Variants in PTPRD observed in about 807,000 individuals in gnomAD.
The protein encoded by PTPRD is receptor-type tyrosine-protein phosphatase delta.
A neutral mutation model predicts 214.5 loss-of-function variants in PTPRD; 34 were observed. The ratio of observed to expected loss-of-function variants is 0.16; its 90% CI spans 0.12 to 0.21. PTPRD has a LOEUF of 0.21. PTPRD is among the 10% of genes least tolerant of loss of function. PTPRD has a pLI of 1.00. For synonymous variants in PTPRD, 1,128 were observed against 845.7 expected (o/e 1.33, Z -5.79); for missense variants, 2,545 against 2,398.7 (o/e 1.06, Z -1.27).
chr9:9,679,641 T>C lies in PTPRD; in HGVS notation c.-287+54892A>G, dbSNP rs570759410. Among the ~76,000 whole-genome samples the C allele has an allele frequency of 1.5e-4, 23 of 151,974 alleles. No individual in the cohort carries two copies. In the South Asian group the frequency reaches 4.8e-3, roughly 31 times the overall value. On this transcript the variant is annotated intron_variant, in intron 7 of 45. Coordinates refer to ENST00000381196, the MANE Select transcript of PTPRD (RefSeq NM_002839.4). Reference sequence around the variant, plus strand: ...TTATGAAGTAGTCATTAAACAAATATAGACCAGGTCAAAGTAGCTGGGTGC... The same window carrying C: ...TTATGAAGTAGTCATTAAACAAATACAGACCAGGTCAAAGTAGCTGGGTGC...
chr9:8,956,402 CT>C (rs1244059338), intron 11 of PTPRD, among the ~76,000 whole-genome samples: 4 of 151,904 alleles, frequency 2.6e-5, no homozygotes, highest in East Asian at 1.9e-4. Context: ...TTTACATTGT[CT>C]TTTTTCCTGT....
rs143148617 is a variant in PTPRD at position 8,973,510 on chromosome 9, G to C, written c.-104+45187C>G. Among the ~76,000 whole-genome samples the C allele has an allele frequency of 1.8e-4, 27 of 152,046 alleles. 1 individual carries two copies. In the East Asian group the frequency reaches 4.8e-3, roughly 27 times the overall value. ...TTCCATGTCTTTGCCATTATGAATT[G>C]TGTTGCAATGAACATATGAGTGCAT... On this transcript the variant is annotated intron_variant, in intron 11 of 45. Transcript: ENST00000381196.
At chr9:9,031,877 T>C (rs941049576) in intron 10 of PTPRD, among the ~76,000 whole-genome samples, 1 of 151,970 alleles carries the variant, frequency 6.6e-6, no homozygotes, top group South Asian at 2.1e-4. Flanking sequence ...GATGGTAGAA[T>C]TGGACAGTCA....
intron 11 of PTPRD, among the ~76,000 whole-genome samples, chr9:8,791,098 C>G (rs1039027850): frequency 6.6e-6 from 1 of 151,892 alleles, no homozygotes; most frequent in Admixed American, 6.6e-5. Context: ...AGAGAGTGAA[C>G]TAAAGGCAGA....
At chr9:8,340,551 C>T (rs1278655811) in intron 41 of PTPRD, 82 bp from the exon 42 acceptor site, 1 of 1,367,666 alleles carries the variant, frequency 7.3e-7, no homozygotes, top group Non-Finnish European at 9.7e-7. Context: ...AAACATCAAC[C>T]TGCTAATAAA....
chr9:9,540,890 A>T (rs533579011), intron 8 of PTPRD, among the ~76,000 whole-genome samples: 1 of 151,838 alleles, frequency 6.6e-6, no homozygotes, highest in Non-Finnish European at 1.5e-5. Flanking sequence ...AAACGTTGCC[A>T]TAAATTTTTG....
chr9:9,260,737 G>A (rs966240916), intron 9 of PTPRD, among the ~76,000 whole-genome samples: 95 of 151,818 alleles, frequency 6.3e-4, no homozygotes, highest in Admixed American at 6.1e-3. Context: ...ATAGAATAGT[G>A]CGGGTGAAAT....
chr9:8,372,064 A>G (rs1199846186), intron 39 of PTPRD, among the ~76,000 whole-genome samples: 1 of 152,078 alleles, frequency 6.6e-6, no homozygotes, highest in African/African-American at 2.4e-5. Flanking sequence ...GTCTTTATAC[A>G]AACAGATGTA....
At chr9:10,089,178 C>T (rs1022866066) in intron 3 of PTPRD, among the ~76,000 whole-genome samples, 2 of 143,568 alleles carry the variant, frequency 1.4e-5, no homozygotes, top group African/African-American at 5.2e-5. Flanking sequence ...AGCATCACAG[C>T]CTGGGTGACA....
At chr9:9,702,938 C>T (rs1727229244) in intron 7 of PTPRD, among the ~76,000 whole-genome samples, 1 of 152,126 alleles carries the variant, frequency 6.6e-6, no homozygotes, top group Non-Finnish European at 1.5e-5. Flanking sequence ...ATATATGAGT[C>T]TAGATCCAGA....
At chr9:9,342,831 G>C (rs888198838) in intron 9 of PTPRD, among the ~76,000 whole-genome samples, 4 of 151,934 alleles carry the variant, frequency 2.6e-5, no homozygotes, top group African/African-American at 9.7e-5. Flanking sequence ...ATCTACATTA[G>C]GCATTTCTTC....
intron 11 of PTPRD, among the ~76,000 whole-genome samples, chr9:8,934,559 T>C (rs1357560832): frequency 1.6e-5 from 2 of 128,454 alleles, no homozygotes; most frequent in African/African-American, 5.9e-5. Flanking sequence ...TGTCTTGATA[T>C]ACATTGTGAA....
At position 8,524,995 on chromosome 9, in the gene PTPRD, T is replaced by C. The variant is rs2139192976; in HGVS notation, c.609A>G (p.Gly203=). 6.2e-7 allele frequency: 1 copy of C among 1,613,704 alleles called. No individual in the cohort carries two copies. Among genetic ancestry groups the C allele is most frequent in the African/African-American group, 1.3e-5 (1 of 74,990 alleles). ...QIEQSEESDQ[G]KYECVATNSA... ...TGTTGGTGGCAACACACTCATATTT[T>C]CCTTGGTCAGACTCTTCACTCTGCT... The change falls in exon 18 of 46, where the codon GGA becomes GGG. Residue 203 remains glycine (G), a synonymous_variant. Transcript: ENST00000381196.
At chr9:9,050,882 GA>G (rs2099683788) in intron 10 of PTPRD, among the ~76,000 whole-genome samples, 1 of 152,080 alleles carries the variant, frequency 6.6e-6, no homozygotes, top group Non-Finnish European at 1.5e-5. Flanking sequence ...ATATGTATAG[GA>G]AAAAACACAA....
At chr9:10,577,911 T>G (rs1159477236) in intron 2 of PTPRD, among the ~76,000 whole-genome samples, 1 of 91,900 alleles carries the variant, frequency 1.1e-5, no homozygotes, top group African/African-American at 4.8e-5. Flanking sequence ...GTACAAGTTA[T>G]TTCCTTTTTT....
intron 8 of PTPRD, chr9:9,414,871 A>C (rs2076538651): frequency 6.6e-6 from 1 of 152,230 alleles, no homozygotes; most frequent in South Asian, 2.1e-4. Context: ...AAATAGAAAC[A>C]CATAAAATTT....
chr9:9,467,170 G>C (rs922880912), intron 8 of PTPRD, among the ~76,000 whole-genome samples: 7 of 134,084 alleles, frequency 5.2e-5, no homozygotes, highest in African/African-American at 2.0e-4. Context: ...CCTAGATTTT[G>C]TATAGGAATA....
At chr9:9,710,786 GAC>G (rs143354072) in intron 7 of PTPRD, among the ~76,000 whole-genome samples, 11 of 150,156 alleles carry the variant, frequency 7.3e-5, no homozygotes, top group South Asian at 4.2e-4. Context: ...CAACCTGTTG[GAC>G]ACACACACAC....
At chr9:8,376,132 C>G (rs760696778) in intron 38 of PTPRD, 42 bp from the exon 39 acceptor site, 1 of 1,605,994 alleles carries the variant, frequency 6.2e-7, no homozygotes, top group Non-Finnish European at 8.5e-7. Context: ...TTTTCCAAGC[C>G]TCAGGTGGTA....
Sources: allele counts gnomAD v4.1 joint callset (sites outside exome capture counted in the v4.1 genomes callset), GRCh38; gene constraint gnomAD v4.1.1; transcripts MANE v1.5; gene names NCBI Gene and HGNC (gene_info 2026-07-23, HGNC 2026-07-21).